FHOD3: variants seen among roughly 807,000 people sequenced by gnomAD.
The protein encoded by FHOD3 is FH1/FH2 domain-containing protein 3.
A neutral mutation model predicts 173.0 loss-of-function variants in FHOD3; 90 were observed. The observed-to-expected ratio is 0.52, with a 90% CI of 0.44 to 0.62. The LOEUF (loss-of-function observed/expected upper bound fraction) is 0.62. Among genes scored for constraint, FHOD3 ranks in the 20% least tolerant of loss-of-function variants. The probability of loss-of-function intolerance (pLI) is 0.00; values close to 1 mark genes in which losing one functional copy is unlikely to be tolerated. For synonymous variants in FHOD3, 828 were observed against 823.0 expected, an observed-to-expected ratio of 1.01 and a Z score of -0.10; for missense variants, 1,945 against 2,034.7, an observed-to-expected ratio of 0.96 and a Z score of 0.85.
intron 23 of FHOD3, 39 bp downstream of exon 23, chr18:36,744,232 T>G (rs372427107): frequency 1.3e-6 from 2 of 1,581,656 alleles, no homozygotes; most frequent in Non-Finnish European, 1.7e-6. Flanking sequence ...CTGGTCTCGC[T>G]GCAGCCACGG....
chr18:36,406,115 G>GT (rs1019606387), intron 3 of FHOD3, among the ~76,000 whole-genome samples: 2 of 132,496 alleles, frequency 1.5e-5, no homozygotes, highest in South Asian at 2.7e-4. Flanking sequence ...TTTTGTTTTT[G>GT]TTTTTTTAAA....
At chr18:36,438,295 G>A (rs532888001) in intron 3 of FHOD3, among the ~76,000 whole-genome samples, 2 of 152,270 alleles carry the variant, frequency 1.3e-5, no homozygotes, top group South Asian at 2.1e-4. Flanking sequence ...GCTGTGGAGT[G>A]TGCTTGCAGG....
intron 5 of FHOD3, among the ~76,000 whole-genome samples, chr18:36,572,026 G>A (rs1482690224): frequency 3.3e-5 from 5 of 152,278 alleles, no homozygotes; most frequent in East Asian, 3.9e-4. Flanking sequence ...GTTGTTCAGC[G>A]TGTGCTTCTG....
chr18:36,504,279 C>T (rs1165902305), intron 4 of FHOD3, among the ~76,000 whole-genome samples: 1 of 152,150 alleles, frequency 6.6e-6, no homozygotes, highest in African/African-American at 2.4e-5. Flanking sequence ...CTATATGTAT[C>T]TCAGTTTTCC....
intron 5 of FHOD3, among the ~76,000 whole-genome samples, chr18:36,554,988 T>C (rs575680726): frequency 1.8e-4 from 27 of 152,342 alleles, no homozygotes; most frequent in South Asian, 4.1e-4. Context: ...CAATTTCATC[T>C]GTCTTTTCTA....
intron 1 of FHOD3, among the ~76,000 whole-genome samples, chr18:36,308,393 T>C (rs1390767438): frequency 1.3e-5 from 2 of 152,190 alleles, no homozygotes; most frequent in African/African-American, 2.4e-5. Context: ...GGCCAAGTTA[T>C]GAAGCCCAGC....
rs144713621 is a variant in FHOD3, at chr18:36,694,898, C to T, written c.2236+1475C>T. Reference sequence around the variant, plus strand: ...TATTTGATTGAATTACAGTTTAACTCGAGACCATTCTAGCCACTGCAAAAG... The same window carrying T: ...TATTTGATTGAATTACAGTTTAACTTGAGACCATTCTAGCCACTGCAAAAG... On this transcript the variant is annotated intron_variant, in intron 17 of 28. Coordinates refer to ENST00000590592, the MANE Select transcript of FHOD3 (RefSeq NM_001281740.3). 8.2e-3 allele frequency among the ~76,000 whole-genome samples: 1,246 copies of T among 152,046 alleles called. 4 individuals are homozygous for T. Among genetic ancestry groups the T allele is most frequent in the Non-Finnish European group, 0.012 (809 of 67,994 alleles).
At chr18:36,352,421 T>C (rs2046173060) in intron 1 of FHOD3, among the ~76,000 whole-genome samples, 1 of 152,206 alleles carries the variant, frequency 6.6e-6, no homozygotes, top group East Asian at 1.9e-4. Context: ...GTTATTTAGG[T>C]CTTACAGATC....
chr18:36,541,009 A>C (rs11660599), intron 5 of FHOD3, among the ~76,000 whole-genome samples: 6 of 149,920 alleles, frequency 4.0e-5, no homozygotes, highest in Middle Eastern at 3.8e-3. Context: ...CCAGCACTTT[A>C]GGAGGCCGAG....
chr18:36,693,289 A>G lies in FHOD3; in HGVS notation c.2102A>G (p.Asp701Gly). ...CGGAGTGTGAGCCGGGGCAGAGCCG[A>G]CCTCTCCTTGGACCTGACCTCGCCA... ...RSRSVSRGRADLSLDLTSPAA... is the reference protein window; with the variant it reads ...RSRSVSRGRAGLSLDLTSPAA... The change falls in exon 17 of 29, where the codon GAC becomes GGC. Residue 701 changes from aspartate (D) to glycine (G), a missense_variant. Asp to Gly is a moderately conservative substitution (Grantham distance 94, BLOSUM62 -1). This residue lies in a region of FHOD3 where 1,099 missense variants were observed against 1,051.2 expected (regional missense o/e 1.05). Coordinates refer to ENST00000590592, the MANE Select transcript of FHOD3 (RefSeq NM_001281740.3). 1.2e-6 allele frequency: 2 copies of G among 1,613,688 alleles called. No individual in the cohort carries two copies. The highest frequency in any genetic ancestry group is 1.7e-6 in the Non-Finnish European group (2 of 1,179,806).
At chr18:36,556,241 G>C (rs574292802) in intron 5 of FHOD3, among the ~76,000 whole-genome samples, 4 of 152,218 alleles carry the variant, frequency 2.6e-5, no homozygotes, top group Non-Finnish European at 5.9e-5. Flanking sequence ...TGAACAATAT[G>C]AGTGAACTGT....
At chr18:36,745,385 G>A (rs964530741) in intron 23 of FHOD3, among the ~76,000 whole-genome samples, 1 of 152,162 alleles carries the variant, frequency 6.6e-6, no homozygotes, top group Non-Finnish European at 1.5e-5. Context: ...GAATCCCAGG[G>A]CTTTGCCTAA....
intron 1 of FHOD3, among the ~76,000 whole-genome samples, chr18:36,314,577 T>G (rs1300036062): frequency 2.6e-5 from 4 of 152,280 alleles, no homozygotes; most frequent in Middle Eastern, 3.4e-3. Flanking sequence ...ATTTAAGAAG[T>G]TCAGGGGCTA....
chr18:36,441,300 C>A lies in FHOD3; in HGVS notation c.338-60632C>A, dbSNP rs867961659. Among the ~76,000 whole-genome samples the A allele has an allele frequency of 4.2e-4, 64 of 152,108 alleles. 1 individual carries two copies. Among genetic ancestry groups the A allele is most frequent in the Middle Eastern group, 3.2e-3 (1 of 316 alleles). ...GAGCCAGGCATTGTCAGACCCTGGG[C>A]AAATTCAGAAGGGTGGGCATGAACC... is the stretch of plus-strand genomic sequence containing the variant. On this transcript the variant is annotated intron_variant, in intron 3 of 28. Coordinates refer to ENST00000590592, the MANE Select transcript of FHOD3 (RefSeq NM_001281740.3).
chr18:36,486,999 G>A (rs1172768253), intron 3 of FHOD3, among the ~76,000 whole-genome samples: 2 of 152,192 alleles, frequency 1.3e-5, no homozygotes, highest in African/African-American at 4.8e-5. Flanking sequence ...TTGCTGATTA[G>A]TGCACCCTTG....
chr18:36,655,942 G>A (rs2036399894), intron 13 of FHOD3, among the ~76,000 whole-genome samples: 1 of 152,200 alleles, frequency 6.6e-6, no homozygotes, highest in South Asian at 2.1e-4. Flanking sequence ...CACAATTTTA[G>A]CAAAGTGATC....
intron 3 of FHOD3, among the ~76,000 whole-genome samples, chr18:36,468,612 T>C (rs1343523967): frequency 1.3e-5 from 2 of 152,170 alleles, no homozygotes; most frequent in African/African-American, 4.8e-5. Context: ...AGTGGGATTT[T>C]AGTGATCCTG....
In FHOD3 at chr18:36,693,245, C is replaced by T. The variant is rs138585180; in HGVS notation, c.2058C>T (p.His686=). 32 of 1,613,748 alleles carry T rather than the reference C, an allele frequency of 2.0e-5. No individual in the cohort carries two copies. The highest frequency in any genetic ancestry group is 1.8e-4 in the East Asian group (8 of 44,866). The change falls in exon 17 of 29, where the codon CAC becomes CAT. Residue 686 remains histidine, a synonymous_variant. Transcript: ENST00000590592. ...KYLEQLAAEE[H]EKELRSRSVS... is the part of the protein sequence containing the mutation. ...TGGAACAGTTGGCAGCTGAGGAGCA[C>T]GAGAAGGAGCTGAGAAGCCGGAGTG... is the stretch of plus-strand genomic sequence containing the variant.
chr18:36,677,947 GTTAGC>G (rs560066198), intron 14 of FHOD3, among the ~76,000 whole-genome samples: 5 of 152,076 alleles, frequency 3.3e-5, no homozygotes, highest in African/African-American at 4.8e-5. Context: ...TAATTTCATA[GTTAGC>G]TTATGATTAA....
Sources: allele counts gnomAD v4.1 joint callset (sites outside exome capture counted in the v4.1 genomes callset), GRCh38; gene constraint gnomAD v4.1.1; regional missense constraint gnomAD v4.1.1; transcripts MANE v1.5; gene names NCBI Gene and HGNC (gene_info 2026-07-23, HGNC 2026-07-21).